BAZ1A: variants seen among roughly 807,000 people sequenced by gnomAD.
The protein encoded by BAZ1A is bromodomain adjacent to zinc finger domain 1A, also known as bromodomain adjacent to zinc finger domain protein 1A.
Under a neutral mutation model 185.2 loss-of-function variants are expected in BAZ1A, and 50 were observed. The ratio of observed to expected loss-of-function variants is 0.27; its 90% CI spans 0.22 to 0.34. The LOEUF (loss-of-function observed/expected upper bound fraction) is 0.34. BAZ1A is among the 10% of genes least tolerant of loss of function. The probability of loss-of-function intolerance (pLI) is 1.00; values close to 1 mark genes in which losing one functional copy is unlikely to be tolerated. For synonymous variants in BAZ1A, 571 were observed against 615.6 expected (o/e 0.93, Z 1.07); for missense variants, 1,356 against 1,839.9 (o/e 0.74, Z 4.81).
chr14:34,838,119 C>A (rs1314958548), intron 3 of BAZ1A, among the ~76,000 whole-genome samples: 1 of 152,086 alleles, frequency 6.6e-6, no homozygotes, highest in Non-Finnish European at 1.5e-5. Flanking sequence ...TCATACCAGC[C>A]CTACACTACA....
At chr14:34,787,204 T>G (rs1382044746) in intron 12 of BAZ1A, among the ~76,000 whole-genome samples, 1 of 149,626 alleles carries the variant, frequency 6.7e-6, no homozygotes, top group Non-Finnish European at 1.5e-5. Flanking sequence ...AATACAAAAA[T>G]TAGCTGGGTG....
In BAZ1A at chr14:34,856,605, C is replaced by T. The variant is rs570449096; in HGVS notation, c.392+5439G>A. ...GGGTGCGGTGGCTCATACCTTTAGT[C>T]GCAGCACTTTGAAAGGCTGAGATGG... On this transcript the variant is annotated intron_variant, in intron 3 of 26. Transcript: ENST00000360310. Among the ~76,000 whole-genome samples, 67 of 152,108 alleles carry T rather than the reference C, an allele frequency of 4.4e-4. 1 individual carries two copies. The highest frequency in any genetic ancestry group is 3.4e-3 in the Middle Eastern group (1 of 294).
intron 20 of BAZ1A, 44 bp from the exon 21 acceptor site, chr14:34,771,703 A>G: frequency 1.9e-6 from 3 of 1,577,320 alleles, no homozygotes; most frequent in Non-Finnish European, 2.6e-6. Flanking sequence ...TAAAAACACT[A>G]TTAGGTAAAA....
Position 34,771,764 on chromosome 14 carries a change from C to A in BAZ1A, c.3153-105G>T, listed in dbSNP as rs1594820775. 3.8e-6 allele frequency: 4 copies of A among 1,050,432 alleles called. No individual in the cohort carries two copies. In the South Asian group the frequency reaches 7.1e-5, roughly 19 times the overall value. The allele number at this position is 1,050,432 out of a possible 1,614,324, so 65.1% of individuals were successfully genotyped here. On this transcript the variant is annotated intron_variant, in intron 20 of 26. Transcript: ENST00000360310. ...GCTTATTTATACCTTTGTAAAAAAT[C>A]ATTTCCTCAATCTCAAGGAGTTGCA...
At chr14:34,788,431 G>T (rs1366432792) in intron 12 of BAZ1A, among the ~76,000 whole-genome samples, 3 of 152,162 alleles carry the variant, frequency 2.0e-5, no homozygotes, top group Non-Finnish European at 4.4e-5. Context: ...GGCCTCCCCA[G>T]TAGCTGGGAC....
At chr14:34,872,897 T>C (rs979370746) in intron 2 of BAZ1A, among the ~76,000 whole-genome samples, 10 of 126,006 alleles carry the variant, frequency 7.9e-5, no homozygotes, top group Non-Finnish European at 1.5e-4. Flanking sequence ...TAGCAAGGCC[T>C]GTAGCTTTAA....
chr14:34,829,835 A>T (rs190827660), intron 3 of BAZ1A, among the ~76,000 whole-genome samples: 4 of 152,204 alleles, frequency 2.6e-5, no homozygotes, highest in African/African-American at 7.2e-5. Context: ...CTGCTTCTTG[A>T]TCTCCTCATA....
chr14:34,806,008 ATT>A (rs957849032), intron 6 of BAZ1A, among the ~76,000 whole-genome samples: 20 of 147,570 alleles, frequency 1.4e-4, no homozygotes, highest in African/African-American at 5.0e-4. Context: ...CATCCTTGGT[ATT>A]TTTTTTTCTA....
At chr14:34,849,241 G>A (rs1469723159) in intron 3 of BAZ1A, among the ~76,000 whole-genome samples, 2 of 152,186 alleles carry the variant, frequency 1.3e-5, no homozygotes, top group African/African-American at 4.8e-5. Context: ...AGTGAGCTAT[G>A]ATCGCTGCAT....
chr14:34,753,747 A>G, intron 26 of BAZ1A, 43 bp from the exon 27 acceptor site: 1 of 1,369,198 alleles, frequency 7.3e-7, no homozygotes, highest in Non-Finnish European at 9.8e-7. Context: ...GAAAGTACAT[A>G]AATTATAATA....
At chr14:34,772,490 G>A (rs1879290698) in intron 20 of BAZ1A, among the ~76,000 whole-genome samples, 1 of 151,994 alleles carries the variant, frequency 6.6e-6, no homozygotes, top group Admixed American at 6.6e-5. Context: ...CTAGCCTCAT[G>A]TTTCTCCACT....
At chr14:34,758,559 G>A (rs778041139) in intron 25 of BAZ1A, 145 bp downstream of exon 25, 35 of 794,716 alleles carry the variant, frequency 4.4e-5, no homozygotes, top group African/African-American at 1.4e-4. Flanking sequence ...CAGCCTGGGC[G>A]ACAGAGTGAG....
rs1555343240 is a variant in BAZ1A, at chr14:34,832,191, T to TATACACACAC, written c.393-6036_393-6035insGTGTGTGTAT. On this transcript the variant is annotated intron_variant, in intron 3 of 26. Transcript: ENST00000360310. ...GTGTGTATATATACATATATACATATACACACACACACACACACACACACA... is the reference window on the plus strand; with the variant it reads ...GTGTGTATATATACATATATACATATATACACACACACACACACACACACACACACACACA... Among the ~76,000 whole-genome samples, 65 of 96,488 alleles carry TATACACACAC rather than the reference T, an allele frequency of 6.7e-4. 1 individual carries two copies. The highest frequency in any genetic ancestry group is 1.4e-3 in the African/African-American group (40 of 27,874). 63.3% of individuals were successfully genotyped at this position (96,488 alleles called of 152,430 possible).
intron 12 of BAZ1A, among the ~76,000 whole-genome samples, chr14:34,787,642 C>T (rs1229974256): frequency 6.6e-6 from 1 of 152,130 alleles, no homozygotes. Flanking sequence ...GAGATCACAC[C>T]ACTGCACTCC....
At chr14:34,785,367 G>A (rs1255402646) in intron 14 of BAZ1A, among the ~76,000 whole-genome samples, 1 of 152,014 alleles carries the variant, frequency 6.6e-6, no homozygotes, top group Non-Finnish European at 1.5e-5. Context: ...CTCTTTACTT[G>A]TACATGCAAT....
chr14:34,762,722 G>A (rs1259862376), intron 23 of BAZ1A, among the ~76,000 whole-genome samples: 2 of 151,988 alleles, frequency 1.3e-5, no homozygotes, highest in African/African-American at 2.4e-5. Context: ...TGCATGCCTC[G>A]GCCTCCCAAA....
chr14:34,847,167 C>T (rs897194078), intron 3 of BAZ1A, among the ~76,000 whole-genome samples: 6 of 151,332 alleles, frequency 4.0e-5, no homozygotes, highest in African/African-American at 1.5e-4. Flanking sequence ...ACGAGAATGG[C>T]TTGAACCCAG....
At position 34,774,587 on chromosome 14, in the gene BAZ1A, G is replaced by C. The variant is rs546652297; in HGVS notation, c.2834-97C>G. On this transcript the variant is annotated intron_variant, in intron 18 of 26. Transcript: ENST00000360310. ...TGATCTTGAAATAACAGATATAAAA[G>C]TGCTTTGTAAATCCTCAAGTGCCAC... 26 of 1,098,072 alleles carry C rather than the reference G, an allele frequency of 2.4e-5. No individual in the cohort carries two copies. The South Asian group carries it at 4.5e-4, about 19-fold the overall frequency. 68.0% of individuals were successfully genotyped at this position (1,098,072 alleles called of 1,614,324 possible). A position where few individuals can be genotyped will look rare whatever the true frequency, so the allele number is the denominator to read the frequency against.
chr14:34,842,843 G>A (rs1447505683), intron 3 of BAZ1A, among the ~76,000 whole-genome samples: 2 of 151,842 alleles, frequency 1.3e-5, no homozygotes, highest in Admixed American at 1.3e-4. Flanking sequence ...TCTTCAAACT[G>A]TAAAATGACC....
Sources: gnomAD v4.1 joint callset for allele counts (sites outside exome capture counted in the v4.1 genomes callset) on GRCh38, gnomAD v4.1.1 for gene constraint, MANE v1.5 for transcripts, NCBI Gene and HGNC (gene_info 2026-07-23, HGNC 2026-07-21) for gene names.